The following C16orf95 variants were observed in gnomAD, a reference collection of about 807,000 sequenced individuals.
The protein encoded by C16orf95 is chromosome 16 open reading frame 95.
A neutral mutation model predicts 32.1 loss-of-function variants in C16orf95; 41 were observed. The observed-to-expected ratio is 1.28, with a 90% CI of 1.00 to 1.66. The LOEUF is 1.66. Among genes scored for constraint, C16orf95 ranks in the 40% most tolerant of loss-of-function variants. C16orf95 has a pLI of 0.00. For synonymous variants in C16orf95, 147 were observed against 128.9 expected (o/e 1.14, Z -0.95); for missense variants, 399 against 325.9 (o/e 1.22, Z -1.73).
chr16:87,306,989 G>A (rs577595700), intron 5 of C16orf95, among the ~76,000 whole-genome samples: 53 of 152,208 alleles, frequency 3.5e-4, no homozygotes, highest in African/African-American at 9.9e-4. Context: ...GTGATTCTAC[G>A]GTTCGAAGAG....
Position 87,315,727 on chromosome 16 carries a change from A to C in C16orf95, c.204+45T>G, listed in dbSNP as rs6540037. 2.1e-6 allele frequency: 3 copies of C among 1,443,110 alleles called. No individual in the cohort carries two copies. In the South Asian group the frequency reaches 3.9e-5, roughly 19 times the overall value. 89.4% of individuals were successfully genotyped at this position (1,443,110 alleles called of 1,614,324 possible). A position where few individuals can be genotyped will look rare whatever the true frequency, so the allele number is the denominator to read the frequency against. On this transcript the variant is annotated intron_variant, in intron 2 of 6. Coordinates refer to ENST00000567970, the MANE Select transcript of C16orf95 (RefSeq NM_001195124.3). ...TCCCTGCTCTCCTCACCCCACAGGG[A>C]TATGTTGGGGTCAGGGCCAGTGGCT...
At chr16:87,311,025 A>C in intron 4 of C16orf95, 125 bp downstream of exon 4, 1 of 940,338 alleles carries the variant, frequency 1.1e-6, no homozygotes, top group Non-Finnish European at 1.5e-6. Flanking sequence ...TTCTCTGGAC[A>C]CCAGCAGAGG....
intron 3 of C16orf95, among the ~76,000 whole-genome samples, chr16:87,312,927 A>G (rs542115428): frequency 9.3e-4 from 142 of 152,364 alleles, no homozygotes; most frequent in African/African-American, 3.1e-3. Flanking sequence ...AAACAATGTC[A>G]TCAAAATTAT....
intron 5 of C16orf95, 193 bp from the exon 6 acceptor site, chr16:87,306,098 G>A: frequency 6.9e-6 from 3 of 432,064 alleles, no homozygotes; most frequent in Non-Finnish European, 1.2e-5. Context: ...GATATCCTGG[G>A]TAACGGCAGC....
At chr16:87,315,724 G>A in intron 2 of C16orf95, 48 bp downstream of exon 2, 1 of 1,397,342 alleles carries the variant, frequency 7.2e-7, no homozygotes, top group South Asian at 1.3e-5. Context: ...TCACCCCACA[G>A]GGATATGTTG....
chr16:87,315,673 C>G (rs748027820), intron 2 of C16orf95, 99 bp downstream of exon 2: 67 of 939,952 alleles, frequency 7.1e-5, no homozygotes, highest in Non-Finnish European at 1.0e-4. Context: ...GGAGGATTCT[C>G]TCATGGGATG....
intron 3 of C16orf95, 99 bp downstream of exon 3, chr16:87,314,872 A>G (rs1904305804): frequency 9.8e-7 from 1 of 1,024,288 alleles, no homozygotes; most frequent in Admixed American, 3.0e-5. Flanking sequence ...GAAATGTTAA[A>G]ATATCCATTC....
chr16:87,305,926 T>C lies in C16orf95; in HGVS notation c.515-21A>G, dbSNP rs1303151680. The C allele has an allele frequency of 6.4e-6, 9 of 1,405,132 alleles. No homozygotes were observed. The highest frequency in any genetic ancestry group is 1.5e-5 in the South Asian group (1 of 66,550). The allele number at this position is 1,405,132 out of a possible 1,614,324, so 87.0% of individuals were successfully genotyped here. ...GGGTGCTAGGCAAAGAAAAGGTGGG[T>C]TGAGGACAGGGCGTGTTCTCCGGGA... On this transcript the variant is annotated intron_variant, in intron 5 of 6. Coordinates refer to ENST00000567970, the MANE Select transcript of C16orf95 (RefSeq NM_001195124.3). This position sits in a 1 kb window ranked among gnomAD's most constrained non-coding sequence, Gnocchi z 4.2.
Position 87,316,976 on chromosome 16 carries a change from T to A in C16orf95, c.152+115A>T. 2.2e-6 allele frequency: 3 copies of A among 1,386,444 alleles called. No individual in the cohort carries two copies. The South Asian group carries it at 4.8e-5, about 22-fold the overall frequency. The allele number at this position is 1,386,444 out of a possible 1,614,324, so 85.9% of individuals were successfully genotyped here. A position where few individuals can be genotyped will look rare whatever the true frequency, so the allele number is the denominator to read the frequency against. ...TTTGTTAAGCCAATGTAAGTGAGGT[T>A]CCTGTGGGTGGCGGTCAAGAGTTCT... On this transcript the variant is annotated intron_variant, in intron 1 of 6. Transcript: ENST00000567970.
chr16:87,308,201 G>C (rs1416722004), intron 5 of C16orf95, among the ~76,000 whole-genome samples: 2 of 152,102 alleles, frequency 1.3e-5, no homozygotes, highest in South Asian at 2.1e-4. Context: ...AGCAGGTGTT[G>C]GCCGGGCACA....
intron 3 of C16orf95, among the ~76,000 whole-genome samples, chr16:87,313,638 G>C (rs148603758): frequency 3.3e-5 from 5 of 152,092 alleles, no homozygotes; most frequent in Non-Finnish European, 7.3e-5. Flanking sequence ...GGGGGGTGAG[G>C]GGGGAGGATT....
At chr16:87,306,666 A>G (rs1033422361) in intron 5 of C16orf95, among the ~76,000 whole-genome samples, 1 of 152,208 alleles carries the variant, frequency 6.6e-6, no homozygotes, top group Non-Finnish European at 1.5e-5. Context: ...AGCCAAAGAA[A>G]GTGTCTCACA....
In C16orf95 at chr16:87,305,835, C is replaced by G. The variant is rs1910999348; in HGVS notation, c.585G>C (p.Lys195Asn). 26 of 1,490,328 alleles carry G rather than the reference C, an allele frequency of 1.7e-5. No individual in the cohort carries two copies. Among genetic ancestry groups the G allele is most frequent in the Non-Finnish European group, 2.2e-5 (25 of 1,126,674 alleles). 92.3% of individuals were successfully genotyped at this position (1,490,328 alleles called of 1,614,324 possible). A position where few individuals can be genotyped will look rare whatever the true frequency, so the allele number is the denominator to read the frequency against. ...GGTAGGGGGCCTGGAGCTGCTGGAA[C>G]TTGGACAACAGGCACTCATCACCGC... ...RICGDECLLS[K>N]FQQLQAPYQD... Residue 195 changes from lysine (K) to asparagine (N), a missense_variant, in exon 6 of 7, where the codon AAG becomes AAC. Physicochemically the swap from Lys to Asn is moderately conservative, Grantham distance 94. Coordinates refer to ENST00000567970, the MANE Select transcript of C16orf95 (RefSeq NM_001195124.3). This position sits in a 1 kb window ranked among gnomAD's most constrained non-coding sequence, Gnocchi z 4.2.
intron 6 of C16orf95, 126 bp from the exon 7 acceptor site, chr16:87,303,201 A>C (rs1910844299): frequency 3.3e-6 from 3 of 908,864 alleles, no homozygotes; most frequent in East Asian, 5.3e-5. Flanking sequence ...ACAGGGCTGG[A>C]GGAATCCCAG....
At chr16:87,315,951 G>A in intron 1 of C16orf95, 128 bp from the exon 2 acceptor site, 2 of 521,552 alleles carry the variant, frequency 3.8e-6, no homozygotes, top group Non-Finnish European at 6.4e-6. Context: ...GTGGGGATGG[G>A]GGGATCCTCT....
In C16orf95 at chr16:87,317,253, A is replaced by G; in HGVS notation, c.-11T>C. On this transcript the variant is annotated 5_prime_UTR_variant, in exon 1 of 7. Transcript: ENST00000567970. ...CCGGCTCGCACGCATATGGCTTCTT[A>G]TGGCTGACGCGCCCTTTCACACACA... 1.3e-6 allele frequency: 2 copies of G among 1,514,188 alleles called. No homozygotes were observed. The highest frequency in any genetic ancestry group is 2.1e-5 in the Admixed American group (1 of 47,850). 93.8% of individuals were successfully genotyped at this position (1,514,188 alleles called of 1,614,324 possible).
chr16:87,311,387 T>C (rs2150652633), intron 3 of C16orf95, 91 bp from the exon 4 acceptor site: 1 of 1,344,152 alleles, frequency 7.4e-7, no homozygotes, highest in Non-Finnish European at 1.0e-6. Flanking sequence ...CCCCAGAAGA[T>C]CCCCTGGCTG....
At chr16:87,310,032 G>T (rs28619279) in intron 5 of C16orf95, among the ~76,000 whole-genome samples, 83,137 of 151,782 alleles carry the variant, frequency 0.55, 23,257 homozygotes, top group Non-Finnish European at 0.6. Flanking sequence ...AAGCCCAGGC[G>T]GGGAGTTGGT....
chr16:87,303,252 T>C, intron 6 of C16orf95, 177 bp from the exon 7 acceptor site: 2 of 617,818 alleles, frequency 3.2e-6, no homozygotes, highest in East Asian at 5.6e-5. Flanking sequence ...GGTGCAGTCC[T>C]GGCCATATCG....
Sources: gnomAD v4.1 joint callset for allele counts (sites outside exome capture counted in the v4.1 genomes callset) on GRCh38, gnomAD v4.1.1 for gene constraint, Gnocchi (gnomAD v3.1) non-coding constraint, MANE v1.5 for transcripts, NCBI Gene and HGNC (gene_info 2026-07-23, HGNC 2026-07-21) for gene names.